The following TCF4 variants were observed in gnomAD, a reference collection of about 807,000 sequenced individuals.
TCF4 encodes the protein SL3-3 enhancer factor 2.
TCF4 carries 3 observed loss-of-function variants against 82.1 expected under a neutral mutation model. The ratio of observed to expected loss-of-function variants is 0.04; its 90% CI spans 0.02 to 0.09. The LOEUF is 0.09. Among genes scored for constraint, TCF4 ranks in the 10% least tolerant of loss-of-function variants. TCF4 has a pLI of 1.00. For synonymous variants in TCF4, 276 were observed against 309.6 expected, an observed-to-expected ratio of 0.89 and a Z score of 1.14; for missense variants, 518 against 852.7, an observed-to-expected ratio of 0.61 and a Z score of 4.89.
chr18:55,460,477 G>A (rs1001758210), intron 5 of TCF4, among the ~76,000 whole-genome samples: 3 of 152,006 alleles, frequency 2.0e-5, no homozygotes, highest in Admixed American at 2.0e-4. Flanking sequence ...AGCAGGATGG[G>A]GTCTGCCTAG....
At position 55,399,872 on chromosome 18, in the gene TCF4, TCTCTCTCTCA is replaced by T. The variant is rs1339929680; in HGVS notation, c.369+3572_369+3581del. 3.0e-3 allele frequency among the ~76,000 whole-genome samples: 401 copies of T among 132,034 alleles called. 1 individual carries two copies. The highest frequency in any genetic ancestry group is 0.012 in the African/African-American group (376 of 32,540). The allele number at this position is 132,034 out of a possible 152,430, so 86.6% of individuals were successfully genotyped here. ...CTCCCCATCTCTCTCTCTCTCTCTC[TCTCTCTCTCA>T]CACACACACACACACACACACACAC... On this transcript the variant is annotated intron_variant, in intron 6 of 19. Transcript: ENST00000354452.
chr18:55,234,416 C>A lies in TCF4; in HGVS notation c.1486+132G>T, dbSNP rs1336683778. 6 of 1,315,164 alleles carry A rather than the reference C, an allele frequency of 4.6e-6. No individual in the cohort carries two copies. The Admixed American group carries it at 5.8e-5, about 13-fold the overall frequency. The allele number at this position is 1,315,164 out of a possible 1,614,324, so 81.5% of individuals were successfully genotyped here. ...TTCTAAATACTTTGCCATTTCCTTA[C>A]CATTTTTGTGCCCAATTTGATTCCT... On this transcript the variant is annotated intron_variant, in intron 16 of 19. Transcript: ENST00000354452.
chr18:55,463,907 T>C (rs1040529794), intron 4 of TCF4, among the ~76,000 whole-genome samples, 169 bp downstream of exon 4: 57 of 151,938 alleles, frequency 3.8e-4, no homozygotes, highest in African/African-American at 1.4e-3. Flanking sequence ...AGTATGCACA[T>C]ATATGCGTGT....
intron 8 of TCF4, among the ~76,000 whole-genome samples, chr18:55,346,706 T>A (rs557317801): frequency 3.9e-5 from 6 of 152,316 alleles, no homozygotes; most frequent in Admixed American, 3.3e-4. Flanking sequence ...GTTAACAGTT[T>A]CTGATAAAAC....
chr18:55,624,474 C>T (rs532913210), intron 2 of TCF4, among the ~76,000 whole-genome samples: 1 of 151,372 alleles, frequency 6.6e-6, no homozygotes, highest in East Asian at 1.9e-4. Flanking sequence ...AAACATATCA[C>T]ATATTATTTT....
chr18:55,387,935 G>A (rs2092734898), intron 6 of TCF4, among the ~76,000 whole-genome samples: 1 of 152,170 alleles, frequency 6.6e-6, no homozygotes, highest in Non-Finnish European at 1.5e-5. Flanking sequence ...CTTGTATTGT[G>A]TGGCTGTGTC....
chr18:55,513,135 C>T (rs781040723), intron 3 of TCF4, among the ~76,000 whole-genome samples: 20 of 152,114 alleles, frequency 1.3e-4, no homozygotes, highest in Non-Finnish European at 2.5e-4. Flanking sequence ...CAAATCTTCA[C>T]CTGGCATGAA....
chr18:55,543,313 G>A (rs2146992654), intron 3 of TCF4, among the ~76,000 whole-genome samples: 1 of 152,104 alleles, frequency 6.6e-6, no homozygotes, highest in South Asian at 2.1e-4. Context: ...ACAAGGTTGG[G>A]GAGGATTAAA....
intron 8 of TCF4, among the ~76,000 whole-genome samples, chr18:55,282,733 A>T (rs1350311272): frequency 6.6e-6 from 1 of 152,114 alleles, no homozygotes; most frequent in Non-Finnish European, 1.5e-5. Context: ...AATCAGTCCA[A>T]TCTAAAATGA....
rs533036920 is a variant in TCF4, at chr18:55,377,738, T to C, written c.369+25716A>G. On this transcript the variant is annotated intron_variant, in intron 6 of 19. Transcript: ENST00000354452. ...TAAAGAGAAAACTTCATTTTACTTG[T>C]GGCATTGAACATCTACAAAAATAAT... is the stretch of plus-strand genomic sequence containing the variant. Among the ~76,000 whole-genome samples, 354 of 152,330 alleles carry C rather than the reference T, an allele frequency of 2.3e-3. 1 individual carries two copies. Among genetic ancestry groups the C allele is most frequent in the South Asian group, 5.6e-3 (27 of 4,822 alleles).
intron 3 of TCF4, among the ~76,000 whole-genome samples, chr18:55,563,784 C>T (rs1479658917): frequency 6.6e-6 from 1 of 152,106 alleles, no homozygotes; most frequent in Non-Finnish European, 1.5e-5. Flanking sequence ...TGATTTGGGC[C>T]AATATTTTAT....
chr18:55,342,684 TTTC>T (rs2080257906), intron 8 of TCF4, among the ~76,000 whole-genome samples: 1 of 152,126 alleles, frequency 6.6e-6, no homozygotes, highest in African/African-American at 2.4e-5. Flanking sequence ...GTTATTAAAC[TTTC>T]TTAAGCTAGA....
rs1352775525 is a variant in TCF4, at chr18:55,257,408, A to T, written c.1070-17T>A. ...CTGTGCCTGCTGATATTAAAGTGGGAATTACAATCAGATCTAGACACATGT... is the reference window on the plus strand; with the variant it reads ...CTGTGCCTGCTGATATTAAAGTGGGTATTACAATCAGATCTAGACACATGT... On this transcript the variant is annotated splice_polypyrimidine_tract_variant and intron_variant, in intron 13 of 19. Transcript: ENST00000354452. 1 of 1,612,784 alleles carries T rather than the reference A, an allele frequency of 6.2e-7. No homozygotes were observed. Among genetic ancestry groups the T allele is most frequent in the Admixed American group, 1.7e-5 (1 of 59,962 alleles).
chr18:55,497,479 T>G (rs1356015531), intron 3 of TCF4, among the ~76,000 whole-genome samples: 1 of 152,212 alleles, frequency 6.6e-6, no homozygotes, highest in Non-Finnish European at 1.5e-5. Context: ...CAGTTTTCAT[T>G]ATTTCATATT....
At chr18:55,382,133 C>T (rs2092009527) in intron 6 of TCF4, among the ~76,000 whole-genome samples, 1 of 152,096 alleles carries the variant, frequency 6.6e-6, no homozygotes, top group South Asian at 2.1e-4. Context: ...AATATTCCTT[C>T]TATATTGGGA....
chr18:55,275,089 G>C (rs1210815739), intron 10 of TCF4, among the ~76,000 whole-genome samples: 2 of 151,968 alleles, frequency 1.3e-5, no homozygotes, highest in Admixed American at 6.6e-5. Context: ...GATCTATGTA[G>C]AAACCTCATG....
rs115055954 is a variant in TCF4, at chr18:55,463,377, C to T, written c.207+699G>A. ...CAAGATCATATACATACAAGAAACA[C>T]GTATTGCTTAACCACCCACCCAACT... On this transcript the variant is annotated intron_variant, in intron 4 of 19. Transcript: ENST00000354452. Among the ~76,000 whole-genome samples, 856 of 152,248 alleles carry T rather than the reference C, an allele frequency of 5.6e-3. 8 individuals carry two copies. The highest frequency in any genetic ancestry group is 0.019 in the African/African-American group (789 of 41,548).
At chr18:55,303,449 C>T (rs1168354450) in intron 8 of TCF4, among the ~76,000 whole-genome samples, 1 of 152,160 alleles carries the variant, frequency 6.6e-6, no homozygotes, top group African/African-American at 2.4e-5. Context: ...ATGACTGCAA[C>T]TCTAGGGAGG....
At chr18:55,609,241 C>T (rs1465217170) in intron 2 of TCF4, among the ~76,000 whole-genome samples, 1 of 152,288 alleles carries the variant, frequency 6.6e-6, no homozygotes, top group East Asian at 1.9e-4. Flanking sequence ...TCGGAGAAGG[C>T]TGTGCTAAGT....
Sources: gnomAD v4.1 joint callset for allele counts (sites outside exome capture counted in the v4.1 genomes callset) on GRCh38, gnomAD v4.1.1 for gene constraint, MANE v1.5 for transcripts, NCBI Gene and HGNC (gene_info 2026-07-23, HGNC 2026-07-21) for gene names.